DIO2: variants seen among roughly 807,000 people sequenced by gnomAD.
The protein encoded by DIO2 is iodothyronine deiodinase 2.
In DIO2, 19 loss-of-function variants were observed where a neutral mutation model predicts 21.4. The ratio of observed to expected loss-of-function variants is 0.89; its 90% CI spans 0.62 to 1.30. The LOEUF is 1.30. Ranked by LOEUF, DIO2 falls within the 50% of genes most tolerant of loss-of-function variation. The pLI is 0.00. For missense variants in DIO2, 302 were observed against 338.1 expected (o/e 0.89, Z 0.84); for synonymous variants, 122 against 132.9 (o/e 0.92, Z 0.57).
rs1887692471 is a variant in DIO2, at chr14:80,200,971, G to C, written c.*1718C>G. On this transcript the variant is annotated 3_prime_UTR_variant, in exon 2 of 2. Transcript: ENST00000438257. ...TTTTTATTCAGTTATTAATGGAATG[G>C]ACAAAAGATCCTTTGATTGTACCTT... The C allele has an allele frequency of 6.6e-6, 1 of 151,646 alleles. No homozygotes were observed. Among genetic ancestry groups the C allele is most frequent in the South Asian group, 2.1e-4 (1 of 4,806 alleles). The allele number at this position is 151,646 out of a possible 1,614,324, so 9.4% of individuals were successfully genotyped here.
chr14:80,222,214 T>G (rs1019006158), intron 2 of DIO2, among the ~76,000 whole-genome samples: 4 of 152,238 alleles, frequency 2.6e-5, no homozygotes, highest in Non-Finnish European at 5.9e-5. Context: ...TCTCAATACA[T>G]GCAAATGACT....
At chr14:80,204,930 A>G (rs1283271899) in intron 1 of DIO2, among the ~76,000 whole-genome samples, 1 of 152,216 alleles carries the variant, frequency 6.6e-6, no homozygotes, top group East Asian at 1.9e-4. Context: ...TTACTGTAAT[A>G]ATCTTCCTTC....
upstream of DIO2, among the ~76,000 whole-genome samples, chr14:80,216,426 T>C (rs546591946): frequency 3.3e-5 from 5 of 152,230 alleles, no homozygotes; most frequent in South Asian, 1.0e-3. Context: ...ATACTTCACT[T>C]AGGATTGGCC....
chr14:80,202,936 C>T lies in DIO2; in HGVS notation c.575G>A (p.Cys192Tyr). 4.3e-6 allele frequency: 7 copies of T among 1,614,022 alleles called. No homozygotes were observed. Among genetic ancestry groups the T allele is most frequent in the Non-Finnish European group, 5.1e-6 (6 of 1,179,900 alleles). ...VKKHQNQEDR[C>Y]AAAQQLLERF... ...CTCCAGAAGCTGCTGGGCTGCTGCA[C>T]ATCGATCTTCCTGGTTCTGGTGCTT... The change falls in exon 2 of 2, where the codon TGT becomes TAT. Residue 192 changes from cysteine (C) to tyrosine (Y), a missense_variant. Cys to Tyr is a radical substitution (Grantham distance 194). Transcript: ENST00000438257.
chr14:80,220,040 TTGTGTGTGTG>T lies in DIO2; in HGVS notation c.-277-3313_-277-3304del, dbSNP rs10553303. 2.0e-5 allele frequency among the ~76,000 whole-genome samples: 3 copies of T among 150,100 alleles called. No homozygotes were observed. In the South Asian group the frequency reaches 6.4e-4, roughly 32 times the overall value. On this transcript the variant is annotated intron_variant, in intron 2 of 4. Coordinates refer to the DIO2 transcript ENST00000553594. ...GAAAGAAGTTTGTTACAATCTTGTT[TTGTGTGTGTG>T]TGTGTGTGTGTGTGTTTTGTTGTTG...
intron 2 of DIO2, among the ~76,000 whole-genome samples, chr14:80,223,301 T>A (rs1156976882): frequency 6.6e-6 from 1 of 152,230 alleles, no homozygotes. Context: ...AGCCCCTGGA[T>A]GAAGTTACAT....
intron 2 of DIO2, among the ~76,000 whole-genome samples, chr14:80,222,119 A>G (rs1028987405): frequency 1.4e-4 from 22 of 152,244 alleles, no homozygotes; most frequent in African/African-American, 5.3e-4. Flanking sequence ...GATGCTCTAC[A>G]AGGATAGCAC....
rs59545805 is a variant in DIO2 at position 80,224,496 on chromosome 14, T to TACACACACACACACACAC, written c.-277-7777_-277-7760dup. 2.6e-4 allele frequency among the ~76,000 whole-genome samples: 36 copies of TACACACACACACACACAC among 138,494 alleles called. 1 individual carries two copies. The highest frequency in any genetic ancestry group is 9.1e-4 in the Admixed American group (12 of 13,222). 90.9% of individuals were successfully genotyped at this position (138,494 alleles called of 152,430 possible). Reference sequence around the variant, plus strand: ...TTATAAAATGGAGGTAGAGAGATACTACACACACACACACACACACACACA... The same window carrying TACACACACACACACACAC: ...TTATAAAATGGAGGTAGAGAGATACTACACACACACACACACACACACACACACACACACACACACACA... On this transcript the variant is annotated intron_variant, in intron 2 of 4. Coordinates refer to the DIO2 transcript ENST00000553594.
At chr14:80,230,549 C>A (rs949383670) in intron 2 of DIO2, among the ~76,000 whole-genome samples, 2 of 152,254 alleles carry the variant, frequency 1.3e-5, no homozygotes, top group African/African-American at 4.8e-5. Flanking sequence ...TCATTATGTT[C>A]CTTGATTCTC....
intron 2 of DIO2, among the ~76,000 whole-genome samples, chr14:80,217,001 C>T (rs1393912897): frequency 6.6e-6 from 1 of 152,148 alleles, no homozygotes; most frequent in Non-Finnish European, 1.5e-5. Context: ...AACATGCTGA[C>T]TCATGCCATT....
chr14:80,219,207 G>A (rs1419973520), intron 2 of DIO2, among the ~76,000 whole-genome samples: 2 of 152,182 alleles, frequency 1.3e-5, no homozygotes, highest in Non-Finnish European at 2.9e-5. Context: ...AAAGGTGGAA[G>A]GTAGGGCTGG....
intron 2 of DIO2, among the ~76,000 whole-genome samples, chr14:80,219,772 TAAAG>T (rs1888429793): frequency 6.6e-6 from 1 of 152,126 alleles, no homozygotes; most frequent in Admixed American, 6.5e-5. Flanking sequence ...CCAGAGTCAA[TAAAG>T]AGTTAATGAA....
intron 1 of DIO2, among the ~76,000 whole-genome samples, chr14:80,204,833 G>A (rs1178461735): frequency 6.6e-6 from 1 of 152,130 alleles, no homozygotes; most frequent in Non-Finnish European, 1.5e-5. Context: ...TAACTGTAGA[G>A]AAAGAATTAA....
Position 80,211,305 on chromosome 14 carries a change from G to A in DIO2, c.168C>T (p.Thr56=), listed in dbSNP as rs1406018724. 1 of 1,613,488 alleles carries A rather than the reference G, an allele frequency of 6.2e-7. No homozygotes were observed. Among genetic ancestry groups the A allele is most frequent in the Non-Finnish European group, 8.5e-7 (1 of 1,179,876 alleles). ...TCCAGACGCAGCGCAGTCCCTCTGA[G>A]GTCAGCATGCGCCGCCACTCTCCGC... ...STRGEWRRML[T]SEGLRCVWKS... The change falls in exon 1 of 2, where the codon ACC becomes ACT. Residue 56 remains threonine, a synonymous_variant. Coordinates refer to ENST00000438257, the MANE Select transcript of DIO2 (RefSeq NM_013989.5).
At chr14:80,227,937 A>C (rs1171182278) in intron 2 of DIO2, among the ~76,000 whole-genome samples, 2 of 152,214 alleles carry the variant, frequency 1.3e-5, no homozygotes, top group African/African-American at 4.8e-5. Flanking sequence ...TACCTTAGAA[A>C]GAATATCTCT....
upstream of DIO2, among the ~76,000 whole-genome samples, chr14:80,213,810 C>T (rs534464588): frequency 4.7e-4 from 72 of 152,278 alleles, 1 homozygote; most frequent in Non-Finnish European, 4.9e-4. Flanking sequence ...TGTGACACAA[C>T]CCTCAGCATT....
chr14:80,216,427 A>G (rs1888361521), upstream of DIO2, among the ~76,000 whole-genome samples: 1 of 152,174 alleles, frequency 6.6e-6, no homozygotes, highest in Non-Finnish European at 1.5e-5. Flanking sequence ...TACTTCACTT[A>G]GGATTGGCCT....
At chr14:80,225,479 T>C (rs879079546) in intron 2 of DIO2, among the ~76,000 whole-genome samples, 8 of 152,178 alleles carry the variant, frequency 5.3e-5, no homozygotes, top group Non-Finnish European at 1.0e-4. Context: ...GGAAATAAAA[T>C]GAAGATATTA....
At chr14:80,207,639 A>G (rs1888001477) in intron 1 of DIO2, among the ~76,000 whole-genome samples, 1 of 152,228 alleles carries the variant, frequency 6.6e-6, no homozygotes, top group South Asian at 2.1e-4. Flanking sequence ...CAATGTCCTT[A>G]GAAACATGGC....
Sources: gnomAD v4.1 joint callset for allele counts (sites outside exome capture counted in the v4.1 genomes callset) on GRCh38, gnomAD v4.1.1 for gene constraint, MANE v1.5 for transcripts, NCBI Gene and HGNC (gene_info 2026-07-23, HGNC 2026-07-21) for gene names.